CNTN1: variants seen among roughly 807,000 people sequenced by gnomAD.
CNTN1 encodes contactin-1.
CNTN1 carries 38 observed loss-of-function variants against 126.4 expected under a neutral mutation model. The ratio of observed to expected loss-of-function variants is 0.30; its 90% CI spans 0.23 to 0.39. The LOEUF (loss-of-function observed/expected upper bound fraction) is 0.39, where lower values mean the gene tolerates loss of function less well. Ranked by LOEUF, CNTN1 falls within the 10% of genes least tolerant of loss-of-function variation. The pLI, the probability that CNTN1 is intolerant of heterozygous loss-of-function variation, is 1.00. For synonymous variants in CNTN1, 413 were observed against 422.6 expected (o/e 0.98, Z 0.28); for missense variants, 1,009 against 1,248.4 (o/e 0.81, Z 2.89).
intron 23 of CNTN1, among the ~76,000 whole-genome samples, chr12:41,043,584 C>A (rs1001600262): frequency 3.9e-5 from 6 of 152,086 alleles, no homozygotes; most frequent in Non-Finnish European, 7.4e-5. Context: ...TGTGGAAGTC[C>A]GTGTGGCAAT....
chr12:40,831,098 T>C (rs993062875), intron 1 of CNTN1, among the ~76,000 whole-genome samples: 2 of 146,116 alleles, frequency 1.4e-5, no homozygotes, highest in Non-Finnish European at 3.0e-5. Flanking sequence ...ATATATACTA[T>C]ACATATATAG....
At position 41,070,890 on chromosome 12, in the gene CNTN1, T is replaced by G. The variant is rs1215785576; in HGVS notation, c.*855T>G. The G allele has an allele frequency of 1.3e-5, 2 of 151,950 alleles. No homozygotes were observed. Among genetic ancestry groups the G allele is most frequent in the Admixed American group, 1.3e-4 (2 of 15,250 alleles). The allele number at this position is 151,950 out of a possible 1,614,324, so 9.4% of individuals were successfully genotyped here. ...GAGTGACAAATTTTGAAAAGTAGAG[T>G]GCTTCCTTTTTTATTGAGATGTGAC... On this transcript the variant is annotated 3_prime_UTR_variant, in exon 24 of 24. Transcript: ENST00000551295.
At chr12:40,879,851 T>A (rs1469050264) in intron 1 of CNTN1, among the ~76,000 whole-genome samples, 1 of 152,104 alleles carries the variant, frequency 6.6e-6, no homozygotes, top group Non-Finnish European at 1.5e-5. Flanking sequence ...TTTTCTCTGT[T>A]GGGCATTTAG....
chr12:40,902,298 C>G (rs942764412), intron 1 of CNTN1, among the ~76,000 whole-genome samples: 2 of 152,102 alleles, frequency 1.3e-5, no homozygotes, highest in African/African-American at 2.4e-5. Context: ...GATGAAGGGA[C>G]TTGAGCAGCA....
chr12:41,055,563 G>C (rs1051991692), intron 23 of CNTN1, among the ~76,000 whole-genome samples: 1 of 152,058 alleles, frequency 6.6e-6, no homozygotes, highest in Non-Finnish European at 1.5e-5. Flanking sequence ...AAGATCTCTT[G>C]AGAAGAAGAA....
At chr12:40,980,807 A>G in intron 15 of CNTN1, 102 bp from the exon 16 acceptor site, 2 of 1,082,430 alleles carry the variant, frequency 1.8e-6, no homozygotes, top group Non-Finnish European at 2.8e-6. Context: ...ATATTGGACA[A>G]ATGTTCTTTA....
At chr12:40,716,367 T>A in intron 1 of CNTN1, among the ~76,000 whole-genome samples, 1 of 148,644 alleles carries the variant, frequency 6.7e-6, no homozygotes, top group African/African-American at 2.5e-5. Flanking sequence ...TCCTCCTCCC[T>A]TTTCTTCTTT....
At chr12:41,029,933 T>C (rs1949114136) in intron 23 of CNTN1, among the ~76,000 whole-genome samples, 2 of 152,054 alleles carry the variant, frequency 1.3e-5, no homozygotes, top group Non-Finnish European at 2.9e-5. Context: ...CAATCTGTTA[T>C]TTAATTTTTG....
chr12:40,927,377 C>A (rs1249142778), intron 6 of CNTN1, among the ~76,000 whole-genome samples: 1 of 152,016 alleles, frequency 6.6e-6, no homozygotes, highest in African/African-American at 2.4e-5. Flanking sequence ...AGTCACATCT[C>A]ATCCGTAAGT....
At chr12:40,779,841 T>C (rs978553129) in intron 1 of CNTN1, among the ~76,000 whole-genome samples, 1 of 152,000 alleles carries the variant, frequency 6.6e-6, no homozygotes, top group Non-Finnish European at 1.5e-5. Context: ...ATATTTTAGC[T>C]AGATTATGAA....
intron 3 of CNTN1, among the ~76,000 whole-genome samples, chr12:40,918,289 G>T (rs1049008060): frequency 1.3e-5 from 2 of 152,086 alleles, no homozygotes; most frequent in Non-Finnish European, 2.9e-5. Flanking sequence ...GGTCACCAAA[G>T]GATCATGCAA....
chr12:40,962,942 T>C (rs1004548143), intron 15 of CNTN1, among the ~76,000 whole-genome samples: 2 of 152,144 alleles, frequency 1.3e-5, no homozygotes, highest in Non-Finnish European at 2.9e-5. Context: ...AAGAGTAACA[T>C]TTCTTCAAAT....
At position 41,025,225 on chromosome 12, in the gene CNTN1, A is replaced by G. The variant is rs1413530428; in HGVS notation, c.2599A>G (p.Arg867Gly). ...AGTCACCAGCCAAGAGTACTCGGCC[A>G]GGCTCGAGAACCTTCTGCCAGACAC... ...VQVTSQEYSA[R>G]LENLLPDTQY... is the part of the protein sequence containing the mutation. Residue 867 changes from arginine to glycine, a missense_variant, in exon 21 of 24, where the codon AGG (arginine) becomes GGG (glycine). By Grantham distance (125) the Arg-to-Gly change is moderately radical. Coordinates refer to ENST00000551295, the MANE Select transcript of CNTN1 (RefSeq NM_001843.4). 7 of 1,613,920 alleles carry G rather than the reference A, an allele frequency of 4.3e-6. No individual in the cohort carries two copies. Among genetic ancestry groups the G allele is most frequent in the Non-Finnish European group, 5.1e-6 (6 of 1,179,920 alleles).
chr12:40,819,250 TG>T (rs1275283642), intron 1 of CNTN1, among the ~76,000 whole-genome samples: 27 of 152,286 alleles, frequency 1.8e-4, no homozygotes, highest in Middle Eastern at 6.8e-3. Context: ...CCCACTTCTC[TG>T]GGCTGCCCAG....
chr12:40,897,617 C>T (rs1944455546), intron 1 of CNTN1, among the ~76,000 whole-genome samples: 1 of 151,964 alleles, frequency 6.6e-6, no homozygotes, highest in Non-Finnish European at 1.5e-5. Flanking sequence ...ATGTATTGAC[C>T]CTTGCCCTAC....
intron 20 of CNTN1, among the ~76,000 whole-genome samples, chr12:41,021,614 C>T (rs1948912796): frequency 6.7e-6 from 1 of 149,392 alleles, no homozygotes; most frequent in Admixed American, 6.7e-5. Context: ...TTTGAGCAGA[C>T]ACACCCAGAC....
chr12:40,729,779 G>T, intron 1 of CNTN1: 1 of 212,206 alleles, frequency 4.7e-6, no homozygotes, highest in South Asian at 8.9e-5. Flanking sequence ...CTAGCCAGAA[G>T]GTTGGACTGC....
intron 23 of CNTN1, among the ~76,000 whole-genome samples, chr12:41,063,326 C>T (rs191857981): frequency 2.0e-5 from 3 of 152,202 alleles, no homozygotes; most frequent in African/African-American, 2.4e-5. Flanking sequence ...TCCTGAAACA[C>T]GTTTTTCCAA....
Position 40,943,633 on chromosome 12 carries a change from C to T in CNTN1, c.1416C>T (p.Asn472=), listed in dbSNP as rs1056019. ...LIWEDGSLEI[N]NITRNDGGIY... ...GGGAAGATGGTAGCTTGGAAATCAA[C>T]AACATTACAAGGAATGATGGAGGTA... The change falls in exon 13 of 24, where the codon AAC becomes AAT. Residue 472 remains asparagine, a synonymous_variant. Coordinates refer to ENST00000551295, the MANE Select transcript of CNTN1 (RefSeq NM_001843.4). 0.62 allele frequency: 984,007 copies of T among 1,591,976 alleles called. 305,935 individuals are homozygous for T. The highest frequency in any genetic ancestry group is 0.7 in the Middle Eastern group (4,178 of 6,004).
Sources: gnomAD v4.1 joint callset for allele counts (sites outside exome capture counted in the v4.1 genomes callset) on GRCh38, gnomAD v4.1.1 for gene constraint, MANE v1.5 for transcripts, NCBI Gene and HGNC (gene_info 2026-07-23, HGNC 2026-07-21) for gene names.